The following PEX1 variants were observed in gnomAD, a reference collection of about 807,000 sequenced individuals.
PEX1 encodes the protein peroxisomal ATPase PEX1.
Under a neutral mutation model 152.5 loss-of-function variants are expected in PEX1, and 97 were observed. The ratio of observed to expected loss-of-function variants is 0.64; its 90% CI spans 0.54 to 0.75. The LOEUF is 0.75. Among genes scored for constraint, PEX1 ranks in the 30% least tolerant of loss-of-function variants. PEX1 has a pLI of 0.00. For missense variants in PEX1, 1,357 were observed against 1,516.3 expected (o/e 0.89, Z 1.74); for synonymous variants, 485 against 531.6 (o/e 0.91, Z 1.21).
At position 92,489,384 on chromosome 7, in the gene PEX1, T is replaced by C; in HGVS notation, c.3676A>G (p.Arg1226Gly). ...AAATGTGACTGACTAATAGCCAGTC[T>C]GGTTTTGATTGGTCCTGGTTGGTTC... Reference protein sequence around the residue: ...SMNQPGPIKTRLAISQSHLMT... With the variant: ...SMNQPGPIKTGLAISQSHLMT... The change falls in exon 23 of 24, where the codon AGA becomes GGA. Residue 1226 changes from arginine (R) to glycine (G), a missense_variant. Physicochemically the swap from Arg to Gly is moderately radical, Grantham distance 125. Transcript: ENST00000248633. The C allele has an allele frequency of 1.2e-6, 2 of 1,611,282 alleles. No homozygotes were observed. The highest frequency in any genetic ancestry group is 1.7e-6 in the Non-Finnish European group (2 of 1,177,482).
At position 92,517,773 on chromosome 7, in the gene PEX1, T is replaced by G. The variant is rs1792867080; in HGVS notation, c.742A>C (p.Met248Leu). Residue 248 changes from methionine to leucine, a missense_variant, in exon 5 of 24, where the codon ATG (methionine) becomes CTG (leucine). Coordinates refer to ENST00000248633, the MANE Select transcript of PEX1 (RefSeq NM_000466.3). ...DSSSVASLWTMIGSIFSFQSE... is the reference protein window; with the variant it reads ...DSSSVASLWTLIGSIFSFQSE... ...TGAAAGGAAAAAATGCTTCCTATCA[T>G]AGTCCATAAACTTGCTACTGATGAT... is the stretch of plus-strand genomic sequence containing the variant. 2 of 1,592,258 alleles carry G rather than the reference T, an allele frequency of 1.3e-6. No homozygotes were observed. The highest frequency in any genetic ancestry group is 8.5e-7 in the Non-Finnish European group (1 of 1,170,030).
chr7:92,516,773 G>A (rs1357128975), intron 5 of PEX1, among the ~76,000 whole-genome samples: 1 of 152,170 alleles, frequency 6.6e-6, no homozygotes, highest in African/African-American at 2.4e-5. Flanking sequence ...ACACCGGCAG[G>A]GTAAGCAGCT....
chr7:92,511,052 TA>T lies in PEX1; in HGVS notation c.1484-6del. 1 of 1,309,108 alleles carries T rather than the reference TA, an allele frequency of 7.6e-7. No homozygotes were observed. Among genetic ancestry groups the T allele is most frequent in the Non-Finnish European group, 1.1e-6 (1 of 905,104 alleles). 81.1% of individuals were successfully genotyped at this position (1,309,108 alleles called of 1,614,324 possible). ...TCAGAGAAAATTCCTTCAGTCCTAT[TA>T]AAAAGAAAGTAATAAATGCAGAGTT... On this transcript the variant is annotated splice_polypyrimidine_tract_variant and splice_region_variant and intron_variant, in intron 7 of 23. Transcript: ENST00000248633.
chr7:92,506,218 GATT>G, intron 11 of PEX1, 27 bp downstream of exon 11: 1 of 1,146,874 alleles, frequency 8.7e-7, no homozygotes, highest in Non-Finnish European at 1.3e-6. Context: ...ATGAAAAAGG[GATT>G]TATATAGAGT....
intron 5 of PEX1, among the ~76,000 whole-genome samples, chr7:92,515,758 C>CT (rs1792708584): frequency 6.6e-6 from 1 of 152,098 alleles, no homozygotes; most frequent in Non-Finnish European, 1.5e-5. Context: ...CCTTGGGAGA[C>CT]TGAGGCAGGC....
chr7:92,506,446 C>T, intron 10 of PEX1, 102 bp from the exon 11 acceptor site: 1 of 781,084 alleles, frequency 1.3e-6, no homozygotes, highest in Non-Finnish European at 2.3e-6. Context: ...TTTTATACAA[C>T]CTCTTCCAAA....
At chr7:92,524,659 T>A (rs1793188832) in intron 1 of PEX1, among the ~76,000 whole-genome samples, 1 of 152,226 alleles carries the variant, frequency 6.6e-6, no homozygotes, top group African/African-American at 2.4e-5. Flanking sequence ...TATTACAATT[T>A]TATATTTAAG....
In PEX1 at chr7:92,508,435, G is replaced by A. The variant is rs187018110; in HGVS notation, c.1670+894C>T. On this transcript the variant is annotated intron_variant, in intron 9 of 23. Coordinates refer to ENST00000248633, the MANE Select transcript of PEX1 (RefSeq NM_000466.3). ...TGCTTGTAATCCCAGCTACTTAGGA[G>A]GCTGATGCGGAAGGATTGCTTGAAC... is the stretch of plus-strand genomic sequence containing the variant. 1.5e-3 allele frequency among the ~76,000 whole-genome samples: 223 copies of A among 152,112 alleles called. 1 individual carries two copies. Among genetic ancestry groups the A allele is most frequent in the African/African-American group, 5.0e-3 (208 of 41,496 alleles).
At chr7:92,505,412 C>CA (rs11370289) in intron 11 of PEX1, among the ~76,000 whole-genome samples, 105,963 of 133,666 alleles carry the variant, frequency 0.79, 41,493 homozygotes, top group South Asian at 0.86. Flanking sequence ...GACTCTGTCT[C>CA]AAAAAAAAAA....
intron 5 of PEX1, among the ~76,000 whole-genome samples, chr7:92,516,106 AAAAG>A (rs1283227429): frequency 6.9e-6 from 1 of 144,612 alleles, no homozygotes; most frequent in African/African-American, 2.6e-5. Context: ...AAAAGAAAAG[AAAAG>A]AATGGTCTGG....
chr7:92,510,129 G>A (rs1392937571), intron 8 of PEX1, among the ~76,000 whole-genome samples: 1 of 140,388 alleles, frequency 7.1e-6, no homozygotes, highest in Non-Finnish European at 1.5e-5. Context: ...GGGTGACAGA[G>A]TGAGACTCCA....
At position 92,504,639 on chromosome 7, in the gene PEX1, T is replaced by C. The variant is rs1434605393; in HGVS notation, c.2071+93A>G. On this transcript the variant is annotated intron_variant, in intron 12 of 23. Transcript: ENST00000248633. The stretch of plus-strand genomic sequence containing the variant: ...AACACAACACTTAACATAACACATA[T>C]ATTATTCTCTGAAGAGAGTAGATTT... 1.3e-5 allele frequency: 16 copies of C among 1,241,492 alleles called. No homozygotes were observed. The East Asian group carries it at 2.2e-4, about 17-fold the overall frequency. 76.9% of individuals were successfully genotyped at this position (1,241,492 alleles called of 1,614,324 possible). A position where few individuals can be genotyped will look rare whatever the true frequency, so the allele number is the denominator to read the frequency against.
intron 11 of PEX1, among the ~76,000 whole-genome samples, chr7:92,505,774 T>C (rs1221260642): frequency 6.6e-6 from 1 of 152,202 alleles, no homozygotes; most frequent in East Asian, 1.9e-4. Context: ...CAAAGTAAAA[T>C]CTTCCCAATA....
chr7:92,499,812 G>A lies in PEX1; in HGVS notation c.2610C>T (p.Pro870=). The A allele has an allele frequency of 1.2e-6, 2 of 1,609,000 alleles. No individual in the cohort carries two copies. The highest frequency in any genetic ancestry group is 1.7e-6 in the Non-Finnish European group (2 of 1,176,732). Residue 870 remains proline, a synonymous_variant, in exon 16 of 24, where the codon CCC becomes CCT. Transcript: ENST00000248633. ...ACAGTATTCCTGTTCTTTGTCGTAT[G>A]GGCAAGTTTGCAAATAATTCTGGAT... is the stretch of plus-strand genomic sequence containing the variant. ...AKYPELFANL[P]IRQRTGILLY...
In PEX1 at chr7:92,493,009, G is replaced by A. The variant is rs138992611; in HGVS notation, c.3151C>T (p.Leu1051Phe). 3.1e-6 allele frequency: 5 copies of A among 1,613,802 alleles called. No individual in the cohort carries two copies. Among genetic ancestry groups the A allele is most frequent in the Non-Finnish European group, 4.2e-6 (5 of 1,179,764 alleles). ...AAGGCCTCCAATTGGGCATTGTAAA[G>A]TAAAGCTTTCAGATCAGCTCCAGTA... Reference protein sequence around the residue: ...SFTGADLKALLYNAQLEALHG... With the variant: ...SFTGADLKALFYNAQLEALHG... Residue 1051 changes from leucine to phenylalanine, a missense_variant, in exon 20 of 24, where the codon CTT becomes TTT. Coordinates refer to ENST00000248633, the MANE Select transcript of PEX1 (RefSeq NM_000466.3).
intron 1 of PEX1, among the ~76,000 whole-genome samples, chr7:92,527,751 G>T (rs1158769657): frequency 6.6e-6 from 1 of 152,224 alleles, no homozygotes; most frequent in Non-Finnish European, 1.5e-5. Flanking sequence ...GCGACTGATC[G>T]CAGAGCTTCA....
At chr7:92,500,185 G>A (rs1791858032) in intron 15 of PEX1, among the ~76,000 whole-genome samples, 1 of 152,126 alleles carries the variant, frequency 6.6e-6, no homozygotes, top group Non-Finnish European at 1.5e-5. Flanking sequence ...GCTTCATGGG[G>A]CAAGTTATGA....
In PEX1 at chr7:92,516,140, G is replaced by C. The variant is rs372230087; in HGVS notation, c.1239+1136C>G. Among the ~76,000 whole-genome samples, 3 of 151,266 alleles carry C rather than the reference G, an allele frequency of 2.0e-5. No homozygotes were observed. In the East Asian group the frequency reaches 5.9e-4, roughly 30 times the overall value. On this transcript the variant is annotated intron_variant, in intron 5 of 23. Coordinates refer to ENST00000248633, the MANE Select transcript of PEX1 (RefSeq NM_000466.3). ...GTCTGGAGCTTTAGAAAATGATGTA[G>C]GCCGGCCAGGAGCAGTGGCTCATGC...
At position 92,506,286 on chromosome 7, in the gene PEX1, T is replaced by C. The variant is rs768719417; in HGVS notation, c.1862A>G (p.Asp621Gly). ...AICKEAFDKL[D>G]AHVERVDCKA... ...ACAGTCAACTCTCTCCACATGGGCA[T>C]CCAGTTTGTCAAATGCTTCTTTACA... is the stretch of plus-strand genomic sequence containing the variant. The change falls in exon 11 of 24, where the codon GAT (aspartate) becomes GGT (glycine). Residue 621 changes from aspartate to glycine, a missense_variant. Physicochemically the swap from Asp to Gly is moderately conservative, Grantham distance 94. Transcript: ENST00000248633. 2 of 1,611,090 alleles carry C rather than the reference T, an allele frequency of 1.2e-6. No individual in the cohort carries two copies. Among genetic ancestry groups the C allele is most frequent in the Non-Finnish European group, 1.7e-6 (2 of 1,177,430 alleles).
Sources: allele counts gnomAD v4.1 joint callset (sites outside exome capture counted in the v4.1 genomes callset), GRCh38; gene constraint gnomAD v4.1.1; transcripts MANE v1.5; gene names NCBI Gene and HGNC (gene_info 2026-07-23, HGNC 2026-07-21).